MLLT3: variants seen among roughly 807,000 people sequenced by gnomAD.
MLLT3 encodes protein AF-9.
MLLT3 carries 4 observed loss-of-function variants against 53.2 expected under a neutral mutation model. The observed-to-expected ratio is 0.08, with a 90% CI of 0.04 to 0.17. MLLT3 has a LOEUF of 0.17. Among genes scored for constraint, MLLT3 ranks in the 10% least tolerant of loss-of-function variants. MLLT3 has a pLI of 1.00. For synonymous variants in MLLT3, 283 were observed against 230.6 expected, an observed-to-expected ratio of 1.23 and a Z score of -2.06; for missense variants, 569 against 684.0, an observed-to-expected ratio of 0.83 and a Z score of 1.87.
rs763088375 is a variant in MLLT3 at position 20,342,664 on chromosome 9, AG to A, written c.*3778del. On this transcript the variant is annotated 3_prime_UTR_variant, in exon 11 of 11. Coordinates refer to ENST00000380338, the MANE Select transcript of MLLT3 (RefSeq NM_004529.4). ...GGATGGCAGTGCCTACATAATAAAAAGCATCATATAAAACAAAAGAGGTCAA... is the reference window on the plus strand; with the variant it reads ...GGATGGCAGTGCCTACATAATAAAAACATCATATAAAACAAAAGAGGTCAA... 58 of 214,432 alleles carry A rather than the reference AG, an allele frequency of 2.7e-4. No homozygotes were observed. The highest frequency in any genetic ancestry group is 4.5e-4 in the Non-Finnish European group (48 of 106,430). The allele number at this position is 214,432 out of a possible 1,614,324, so 13.3% of individuals were successfully genotyped here.
At chr9:20,465,881 T>C (rs1426281516) in intron 2 of MLLT3, among the ~76,000 whole-genome samples, 1 of 152,182 alleles carries the variant, frequency 6.6e-6, no homozygotes, top group Admixed American at 6.5e-5. Context: ...CGACAGTTTA[T>C]ACAGGGTACA....
At chr9:20,373,448 C>T (rs2118675415) in intron 5 of MLLT3, among the ~76,000 whole-genome samples, 1 of 152,286 alleles carries the variant, frequency 6.6e-6, no homozygotes, top group East Asian at 1.9e-4. Flanking sequence ...GAGCACCTGT[C>T]AAGGTAGATC....
At chr9:20,416,213 GT>G (rs1213976036) in intron 4 of MLLT3, among the ~76,000 whole-genome samples, 1 of 151,714 alleles carries the variant, frequency 6.6e-6, no homozygotes, top group Non-Finnish European at 1.5e-5. Context: ...ATATCCTTGA[GT>G]TTTTTTCAAT....
At chr9:20,420,491 C>A (rs1015562034) in intron 4 of MLLT3, among the ~76,000 whole-genome samples, 2 of 151,890 alleles carry the variant, frequency 1.3e-5, no homozygotes, top group African/African-American at 4.8e-5. Context: ...GTTGAGAGTA[C>A]CAAATAGGAT....
At chr9:20,570,428 A>G (rs906553750) in intron 2 of MLLT3, among the ~76,000 whole-genome samples, 3 of 152,232 alleles carry the variant, frequency 2.0e-5, no homozygotes, top group Non-Finnish European at 4.4e-5. Context: ...ATGGCTAAAC[A>G]TAAACACTAC....
chr9:20,477,673 T>C (rs760481201), intron 2 of MLLT3, among the ~76,000 whole-genome samples: 83 of 152,156 alleles, frequency 5.5e-4, no homozygotes, highest in Non-Finnish European at 1.0e-3. Context: ...GTTTCTTCTA[T>C]AAAATAAAGG....
chr9:20,566,252 A>G (rs1587076673), intron 2 of MLLT3, among the ~76,000 whole-genome samples: 1 of 151,438 alleles, frequency 6.6e-6, no homozygotes, highest in African/African-American at 2.4e-5. Flanking sequence ...CACCCTGGCC[A>G]ACATGGTGAA....
chr9:20,618,836 G>C (rs1477914710), intron 2 of MLLT3, among the ~76,000 whole-genome samples: 1 of 152,200 alleles, frequency 6.6e-6, no homozygotes, highest in African/African-American at 2.4e-5. Flanking sequence ...AATAGAGGTT[G>C]ATCATCTTTA....
chr9:20,622,210 G>C, intron 1 of MLLT3, 35 bp downstream of exon 1: 1 of 1,589,862 alleles, frequency 6.3e-7, no homozygotes, highest in East Asian at 2.3e-5. Context: ...GGAAAGTGGG[G>C]GAGGGCTTTT....
intron 2 of MLLT3, among the ~76,000 whole-genome samples, chr9:20,526,930 C>G (rs1018535639): frequency 1.2e-4 from 18 of 152,152 alleles, no homozygotes; most frequent in African/African-American, 4.3e-4. Flanking sequence ...ATATATTGGA[C>G]ACTTACGAAG....
At chr9:20,487,128 C>T (rs1336291366) in intron 2 of MLLT3, among the ~76,000 whole-genome samples, 1 of 152,036 alleles carries the variant, frequency 6.6e-6, no homozygotes, top group Admixed American at 6.6e-5. Context: ...AGGGCATTAG[C>T]TAAATAAAAA....
At chr9:20,571,009 A>C (rs1242762370) in intron 2 of MLLT3, among the ~76,000 whole-genome samples, 1 of 152,198 alleles carries the variant, frequency 6.6e-6, no homozygotes, top group Non-Finnish European at 1.5e-5. Flanking sequence ...CATGAGTAAA[A>C]CTCTAGGCTT....
chr9:20,456,842 C>A, intron 2 of MLLT3, 56 bp from the exon 3 acceptor site: 2 of 1,305,602 alleles, frequency 1.5e-6, no homozygotes, highest in South Asian at 2.6e-5. Flanking sequence ...AAAAGACATT[C>A]TTCTTTTAAA....
At chr9:20,508,613 A>AC (rs780902263) in intron 2 of MLLT3, among the ~76,000 whole-genome samples, 18 of 152,252 alleles carry the variant, frequency 1.2e-4, no homozygotes, top group Non-Finnish European at 2.2e-4. Flanking sequence ...CCACTGCTTT[A>AC]CAAAGTCAGA....
chr9:20,422,493 A>C (rs1279147035), intron 4 of MLLT3, among the ~76,000 whole-genome samples: 1 of 152,250 alleles, frequency 6.6e-6, no homozygotes, highest in Non-Finnish European at 1.5e-5. Flanking sequence ...CCACACTTAC[A>C]GAAATACAAA....
intron 2 of MLLT3, among the ~76,000 whole-genome samples, chr9:20,531,030 T>A (rs1473704503): frequency 2.0e-5 from 3 of 152,114 alleles, no homozygotes; most frequent in Admixed American, 2.0e-4. Context: ...TACTTCTAGT[T>A]TTTTTCCCAA....
chr9:20,343,030 G>A lies in MLLT3; in HGVS notation c.*3413C>T, dbSNP rs1001693789. 5 of 186,836 alleles carry A rather than the reference G, an allele frequency of 2.7e-5. No individual in the cohort carries two copies. The highest frequency in any genetic ancestry group is 5.6e-5 in the Non-Finnish European group (5 of 89,316). 11.6% of individuals were successfully genotyped at this position (186,836 alleles called of 1,614,324 possible). A position where few individuals can be genotyped will look rare whatever the true frequency, so the allele number is the denominator to read the frequency against. On this transcript the variant is annotated 3_prime_UTR_variant, in exon 11 of 11. Coordinates refer to ENST00000380338, the MANE Select transcript of MLLT3 (RefSeq NM_004529.4). ...ACTGGACATCCAACTCCATTAAGTA[G>A]GCAAAGTTAAAACATTTAAGAGTAA...
At chr9:20,426,370 T>A (rs973269604) in intron 4 of MLLT3, among the ~76,000 whole-genome samples, 6 of 152,182 alleles carry the variant, frequency 3.9e-5, no homozygotes, top group African/African-American at 1.4e-4. Context: ...ACTAGCTTGA[T>A]TTCTGATAAT....
intron 2 of MLLT3, among the ~76,000 whole-genome samples, chr9:20,459,111 G>A (rs1467837108): frequency 2.6e-5 from 4 of 152,094 alleles, no homozygotes; most frequent in African/African-American, 7.2e-5. Context: ...AAACAGAAGC[G>A]CGAGGCATTT....
Sources: allele counts gnomAD v4.1 joint callset (sites outside exome capture counted in the v4.1 genomes callset), GRCh38; gene constraint gnomAD v4.1.1; transcripts MANE v1.5; gene names NCBI Gene and HGNC (gene_info 2026-07-23, HGNC 2026-07-21).